The following MAST3 variants were observed in gnomAD, a reference collection of about 807,000 sequenced individuals.
The protein encoded by MAST3 is microtubule associated serine/threonine kinase 3, also known as microtubule-associated serine/threonine-protein kinase 3.
In MAST3, 43 loss-of-function variants were observed where a neutral mutation model predicts 127.0. The observed-to-expected ratio is 0.34, with a 90% CI of 0.27 to 0.44. The LOEUF (loss-of-function observed/expected upper bound fraction) is 0.44. Among genes scored for constraint, MAST3 ranks in the 20% least tolerant of loss-of-function variants. The pLI is 1.00. For synonymous variants in MAST3, 785 were observed against 809.2 expected, an observed-to-expected ratio of 0.97 and a Z score of 0.51; for missense variants, 1,390 against 1,919.1, an observed-to-expected ratio of 0.72 and a Z score of 5.15.
chr19:18,128,429 G>T lies in MAST3; in HGVS notation c.1108G>T (p.Glu370Ter). ...GGTGCCACTGAGTCACCTCGAAGAA[G>T]AACAGCCCCCAGCACCTGAGTCCCC... ...EMVPLSHLEE[E>*]QPPAPESPES... Residue 370 changes from glutamate to a stop codon, truncating the protein, a stop_gained, in exon 12 of 28, where the codon GAA (glutamate) becomes TAA (stop). Transcript: ENST00000687212. LOFTEE classifies it high-confidence loss of function. 1 of 1,557,186 alleles carries T rather than the reference G, an allele frequency of 6.4e-7. No homozygotes were observed.
At position 18,144,538 on chromosome 19, in the gene MAST3, C is replaced by T. The variant is rs1487171562; in HGVS notation, c.2657C>T (p.Pro886Leu). Reference sequence around the variant, plus strand: ...GGCGCCCGACACTCCACACCAAGGCCTCTGGATGCCGGCCGGGGCCGCCGC... The same window carrying T: ...GGCGCCCGACACTCCACACCAAGGCTTCTGGATGCCGGCCGGGGCCGCCGC... The part of the protein sequence containing the change: ...SIGARHSTPR[P>L]LDAGRGRRLG... The change falls in exon 23 of 28, where the codon CCT becomes CTT. Residue 886 changes from proline (P) to leucine (L), a missense_variant. Physicochemically the swap from Pro to Leu is moderately conservative, Grantham distance 98 (BLOSUM62 -3). This residue lies in a region of MAST3 where 816 missense variants were observed against 934.1 expected (regional missense o/e 0.87). Transcript: ENST00000687212. The surrounding 1 kb of genome is among the most constrained non-coding windows in gnomAD (Gnocchi z 4.0). 1.2e-6 allele frequency: 2 copies of T among 1,610,874 alleles called. No homozygotes were observed. The highest frequency in any genetic ancestry group is 1.3e-5 in the African/African-American group (1 of 75,040).
chr19:18,145,763 C>A lies in MAST3; in HGVS notation c.3060C>A (p.Pro1020=). The part of the protein sequence containing the change: ...HVVWSVEDGS[P]AQEAGLRAGD... ...CCCAGAGTGTGGAGGACGGAAGCCC[C>A]GCCCAGGAGGCGGGCCTGCGGGCTG... The change falls in exon 25 of 28, where the codon CCC becomes CCA. Residue 1020 remains proline (P), a synonymous_variant. Transcript: ENST00000687212. The surrounding 1 kb of genome is among the most constrained non-coding windows in gnomAD (Gnocchi z 5.9). 1.3e-6 allele frequency: 2 copies of A among 1,586,686 alleles called. No homozygotes were observed. Among genetic ancestry groups the A allele is most frequent in the Non-Finnish European group, 8.5e-7 (1 of 1,169,738 alleles).
At chr19:18,139,842 C>T (rs1466730420) in intron 20 of MAST3, among the ~76,000 whole-genome samples, 1 of 132,930 alleles carries the variant, frequency 7.5e-6, no homozygotes, top group Non-Finnish European at 1.6e-5. Context: ...TTTTTTGAGA[C>T]AGAGTCTCGC....
intron 1 of MAST3, among the ~76,000 whole-genome samples, chr19:18,107,241 G>A (rs886111906): frequency 6.6e-6 from 1 of 152,072 alleles, no homozygotes; most frequent in Non-Finnish European, 1.5e-5. Flanking sequence ...GAGATCACAG[G>A]TGTGAGCCAC....
chr19:18,111,749 G>T (rs1486552083), intron 3 of MAST3, among the ~76,000 whole-genome samples: 1 of 152,040 alleles, frequency 6.6e-6, no homozygotes, highest in East Asian at 1.9e-4. Flanking sequence ...GGCCAGGCTG[G>T]TCGCAAACCC....
rs750378081 is a variant in MAST3 at position 18,147,062 on chromosome 19, C to T, written c.3326+18C>T. 1 of 1,494,558 alleles carries T rather than the reference C, an allele frequency of 6.7e-7. No homozygotes were observed. The highest frequency in any genetic ancestry group is 1.3e-5 in the South Asian group (1 of 77,960). 92.6% of individuals were successfully genotyped at this position (1,494,558 alleles called of 1,614,324 possible). ...AGGGAGCGGTACACAGGGGGCGGGG[C>T]CACGGGGACTGGGGTTCTTTTTTTC... is the stretch of plus-strand genomic sequence containing the variant. On this transcript the variant is annotated intron_variant, in intron 26 of 27. Transcript: ENST00000687212.
rs368082363 is a variant in MAST3, at chr19:18,137,300, C to T, written c.2034C>T (p.Leu678=). The T allele has an allele frequency of 5.3e-5, 85 of 1,613,942 alleles. 1 individual carries two copies. In the African/African-American group the frequency reaches 9.9e-4, roughly 19 times the overall value. The part of the protein sequence containing the change: ...FFLALDWAGL[L]RHKAEFVPQL... ...TGGCCCTGGACTGGGCAGGGCTTCT[C>T]CGACACAAAGCCGAGTTCGTGCCCC... is the stretch of plus-strand genomic sequence containing the variant. The change falls in exon 19 of 28, where the codon CTC becomes CTT. Residue 678 remains leucine (L), a synonymous_variant. Transcript: ENST00000687212.
rs2043072824 is a variant in MAST3 at position 18,146,897 on chromosome 19, C to A, written c.3179C>A (p.Ser1060Tyr). 3 of 1,555,420 alleles carry A rather than the reference C, an allele frequency of 1.9e-6. No individual in the cohort carries two copies. Among genetic ancestry groups the A allele is most frequent in the Admixed American group, 1.9e-5 (1 of 51,338 alleles). The change falls in exon 26 of 28, where the codon TCC (serine) becomes TAC (tyrosine). Residue 1060 changes from serine (S) to tyrosine (Y), a missense_variant. Physicochemically the swap from Ser to Tyr is moderately radical, Grantham distance 144. Around this residue, in one of 5 missense-constraint regions of MAST3, gnomAD observed 816 missense variants for 934.1 expected, o/e 0.87. Transcript: ENST00000687212. ...CTCCCGCAGAGCGGCAACAAGATATCCCTGCGGACCACAGCCCTGGAGAAC... is the reference window on the plus strand; with the variant it reads ...CTCCCGCAGAGCGGCAACAAGATATACCTGCGGACCACAGCCCTGGAGAAC... ...ELLLKSGNKI[S>Y]LRTTALENTS... is the part of the protein sequence containing the mutation.
rs1298498758 is a variant in MAST3, at chr19:18,145,193, T to C, written c.3003T>C (p.Gly1001=). The change falls in exon 24 of 28, where the codon GGT becomes GGC. Residue 1001 remains glycine, a synonymous_variant. Transcript: ENST00000687212. The surrounding 1 kb of genome is among the most constrained non-coding windows in gnomAD (Gnocchi z 5.9). ...FSLRAIRVYM[G]DSDVYTVHHV... ...TGCGGGCGATCCGCGTCTACATGGG[T>C]GATAGCGACGTCTACACTGTGCACC... The C allele has an allele frequency of 2.5e-6, 4 of 1,613,628 alleles. No individual in the cohort carries two copies. The highest frequency in any genetic ancestry group is 3.4e-6 in the Non-Finnish European group (4 of 1,179,812).
At chr19:18,133,309 G>A (rs913476418) in intron 15 of MAST3, among the ~76,000 whole-genome samples, 4 of 152,270 alleles carry the variant, frequency 2.6e-5, no homozygotes, top group African/African-American at 9.6e-5. Flanking sequence ...GGCACCAGGT[G>A]TATACAAAAT....
Position 18,137,367 on chromosome 19 carries a change from G to C in MAST3, c.2095+6G>C. On this transcript the variant is annotated splice_donor_region_variant and intron_variant, in intron 19 of 27. Transcript: ENST00000687212. ...TGATACCAGCTACTTTGACAGTAAG[G>C]AGGGATCCCCCTGGAGGGGGGGCGG... The C allele has an allele frequency of 5.0e-6, 8 of 1,612,558 alleles. No individual in the cohort carries two copies. Among genetic ancestry groups the C allele is most frequent in the Non-Finnish European group, 6.8e-6 (8 of 1,179,036 alleles).
intron 3 of MAST3, among the ~76,000 whole-genome samples, chr19:18,116,085 A>ATTTT (rs2039188300): frequency 6.4e-5 from 6 of 93,586 alleles, no homozygotes; most frequent in African/African-American, 3.2e-4. Context: ...GGTATTTGAA[A>ATTTT]TTATCTTTTT....
chr19:18,126,359 T>C (rs2040617266), intron 11 of MAST3, among the ~76,000 whole-genome samples: 1 of 152,158 alleles, frequency 6.6e-6, no homozygotes, highest in South Asian at 2.1e-4. Context: ...AACTGAGGCC[T>C]GGAGGGCAGG....
chr19:18,146,983 A>G lies in MAST3; in HGVS notation c.3265A>G (p.Ser1089Gly), dbSNP rs998174790. Reference protein sequence around the residue: ...NVAKGRMARRSKRSRRRETQD... With the variant: ...NVAKGRMARRGKRSRRRETQD... ...GGCCAAGGGCCGCATGGCACGCAGG[A>G]GCAAGAGGAGCCGTCGGCGGGAGAC... The change falls in exon 26 of 28, where the codon AGC becomes GGC. Residue 1089 changes from serine to glycine, a missense_variant. Coordinates refer to ENST00000687212, the MANE Select transcript of MAST3 (RefSeq NM_001393504.1). 6.4e-7 allele frequency: 1 copy of G among 1,567,612 alleles called. No individual in the cohort carries two copies. Among genetic ancestry groups the G allele is most frequent in the African/African-American group, 1.4e-5 (1 of 73,756 alleles).
chr19:18,106,892 C>A (rs1247850274), intron 1 of MAST3, among the ~76,000 whole-genome samples: 1 of 150,196 alleles, frequency 6.7e-6, no homozygotes, highest in Non-Finnish European at 1.5e-5. Flanking sequence ...TTTTTGGAGA[C>A]AGGGCTCAAG....
intron 3 of MAST3, chr19:18,118,086 C>G (rs2039506246): frequency 1.0e-6 from 1 of 985,284 alleles, no homozygotes; most frequent in African/African-American, 1.7e-5. Context: ...TCCGGCTCCG[C>G]GGGGCTCCTG....
intron 3 of MAST3, among the ~76,000 whole-genome samples, chr19:18,117,147 G>A (rs1461166095): frequency 6.6e-6 from 1 of 152,062 alleles, no homozygotes; most frequent in Non-Finnish European, 1.5e-5. Flanking sequence ...CAGGCTCTGT[G>A]TCTCAGATTT....
At chr19:18,116,186 C>T (rs1001592203) in intron 3 of MAST3, among the ~76,000 whole-genome samples, 3 of 150,094 alleles carry the variant, frequency 2.0e-5, no homozygotes, top group Middle Eastern at 3.4e-3. Flanking sequence ...CTCCACCTCC[C>T]GGGTACAAGT....
chr19:18,139,121 C>A lies in MAST3; in HGVS notation c.2202C>A (p.Ser734Arg). 1.3e-6 allele frequency: 2 copies of A among 1,595,288 alleles called. No homozygotes were observed. The highest frequency in any genetic ancestry group is 1.7e-5 in the Admixed American group (1 of 57,754). The change falls in exon 20 of 28, where the codon AGC becomes AGA. Residue 734 changes from serine (S) to arginine (R), a missense_variant. By Grantham distance (110) the Ser-to-Arg change is moderately radical. Coordinates refer to ENST00000687212, the MANE Select transcript of MAST3 (RefSeq NM_001393504.1). ...TCTCCTCCTGCTCCCACCGGTTCAG[C>A]AAGGTGGGCCCGGGTCCCGAGGGGA... ...PQFSSCSHRF[S>R]KVYSSSEFLA...
Sources: gnomAD v4.1 joint callset for allele counts (sites outside exome capture counted in the v4.1 genomes callset) on GRCh38, gnomAD v4.1.1 for gene constraint, gnomAD v4.1.1 regional missense constraint, Gnocchi (gnomAD v3.1) non-coding constraint, MANE v1.5 for transcripts, NCBI Gene and HGNC (gene_info 2026-07-23, HGNC 2026-07-21) for gene names.